WWP1: variants seen among roughly 807,000 people sequenced by gnomAD.
WWP1 encodes the protein NEDD4-like E3 ubiquitin-protein ligase WWP1.
Under a neutral mutation model 130.6 loss-of-function variants are expected in WWP1, and 49 were observed. That is an observed-to-expected ratio of 0.38 (90% CI 0.30 to 0.48). WWP1 has a LOEUF of 0.48. Among genes scored for constraint, WWP1 ranks in the 20% least tolerant of loss-of-function variants. The probability of loss-of-function intolerance (pLI) is 0.99; values close to 1 mark genes in which losing one functional copy is unlikely to be tolerated. For missense variants in WWP1, 809 were observed against 1,100.6 expected, an observed-to-expected ratio of 0.74 and a Z score of 3.75; for synonymous variants, 332 against 367.8, an observed-to-expected ratio of 0.90 and a Z score of 1.11.
chr8:86,431,716 A>C lies in WWP1; in HGVS notation c.1574A>C (p.Lys525Thr), dbSNP rs1357382364. 5 of 1,613,798 alleles carry C rather than the reference A, an allele frequency of 3.1e-6. No individual in the cohort carries two copies. Among genetic ancestry groups the C allele is most frequent in the Non-Finnish European group, 4.2e-6 (5 of 1,179,890 alleles). The change falls in exon 14 of 25, where the codon AAA (lysine) becomes ACA (threonine). Residue 525 changes from lysine (K) to threonine (T), a missense_variant. Physicochemically the swap from Lys to Thr is moderately conservative, Grantham distance 78. This residue lies in a region of WWP1 where 450 missense variants were observed against 674.2 expected (regional missense o/e 0.67). Coordinates refer to ENST00000517970, the MANE Select transcript of WWP1 (RefSeq NM_007013.4). ...CATAACACAAGAACAACAACATTCA[A>C]AGATCCTCGCAATGGGAAGTCATCT... ...VDHNTRTTTF[K>T]DPRNGKSSVT...
chr8:86,375,502 G>C (rs879890678), intron 3 of WWP1, among the ~76,000 whole-genome samples: 3 of 152,090 alleles, frequency 2.0e-5, no homozygotes, highest in Non-Finnish European at 4.4e-5. Flanking sequence ...TACATGTGCA[G>C]TATACGTATC....
rs1236047601 is a variant in WWP1, at chr8:86,468,160, T to C, written c.*1267T>C. Reference sequence around the variant, plus strand: ...TTTGTATCATGCTTTTAATATGCACTGTAAATTTCATTAACTTAAACATTT... The same window carrying C: ...TTTGTATCATGCTTTTAATATGCACCGTAAATTTCATTAACTTAAACATTT... On this transcript the variant is annotated 3_prime_UTR_variant, in exon 25 of 25. Transcript: ENST00000517970. The C allele has an allele frequency of 4.2e-6, 1 of 237,932 alleles. No individual in the cohort carries two copies. Among genetic ancestry groups the C allele is most frequent in the Admixed American group, 5.4e-5 (1 of 18,524 alleles). 14.7% of individuals were successfully genotyped at this position (237,932 alleles called of 1,614,324 possible).
chr8:86,354,025 G>A (rs539234673), intron 1 of WWP1, among the ~76,000 whole-genome samples: 1 of 152,096 alleles, frequency 6.6e-6, no homozygotes, highest in Non-Finnish European at 1.5e-5. Flanking sequence ...TAACGTATTG[G>A]CTATTTAGAG....
At chr8:86,380,898 A>G (rs769304190) in intron 4 of WWP1, 34 bp downstream of exon 4, 2 of 1,546,704 alleles carry the variant, frequency 1.3e-6, no homozygotes, top group Non-Finnish European at 1.7e-6. Context: ...GAAAATCTTC[A>G]CAAGAAAGTG....
At chr8:86,434,972 T>G (rs1442573841) in intron 14 of WWP1, among the ~76,000 whole-genome samples, 1 of 152,214 alleles carries the variant, frequency 6.6e-6, no homozygotes, top group East Asian at 1.9e-4. Context: ...CAACTCTGCC[T>G]TTTCTCTCAC....
At chr8:86,346,552 G>A (rs1196634269) in intron 1 of WWP1, among the ~76,000 whole-genome samples, 8 of 152,078 alleles carry the variant, frequency 5.3e-5, no homozygotes, top group Non-Finnish European at 1.2e-4. Flanking sequence ...TTTTTTTTGG[G>A]TGGATTAAGT....
intron 9 of WWP1, among the ~76,000 whole-genome samples, chr8:86,417,727 T>G (rs988766544): frequency 3.9e-5 from 6 of 152,210 alleles, no homozygotes; most frequent in African/African-American, 1.4e-4. Context: ...TGTTTCTGAT[T>G]ACAAAATTAA....
At chr8:86,373,071 G>GT (rs34499209) in intron 2 of WWP1, among the ~76,000 whole-genome samples, 68 of 132,454 alleles carry the variant, frequency 5.1e-4, no homozygotes, top group East Asian at 2.9e-3. Flanking sequence ...TTCTTAGTTT[G>GT]TTTTTTTTTT....
chr8:86,463,647 T>C (rs1369547121), intron 24 of WWP1, among the ~76,000 whole-genome samples: 4 of 152,076 alleles, frequency 2.6e-5, no homozygotes, highest in East Asian at 1.9e-4. Context: ...TTTTCTATTA[T>C]ATAATTAAAT....
Position 86,412,004 on chromosome 8 carries a change from C to T in WWP1, c.1061+130C>T, listed in dbSNP as rs982126271. Reference sequence around the variant, plus strand: ...AATCTAAGTTGGGATCTGAATCATACTATTTATTTACTTGCTACAAAACAA... The same window carrying T: ...AATCTAAGTTGGGATCTGAATCATATTATTTATTTACTTGCTACAAAACAA... On this transcript the variant is annotated intron_variant, in intron 9 of 24. Coordinates refer to ENST00000517970, the MANE Select transcript of WWP1 (RefSeq NM_007013.4). 8 of 882,596 alleles carry T rather than the reference C, an allele frequency of 9.1e-6. No individual in the cohort carries two copies. The African/African-American group carries it at 1.2e-4, about 13-fold the overall frequency. The allele number at this position is 882,596 out of a possible 1,614,324, so 54.7% of individuals were successfully genotyped here.
At chr8:86,352,624 C>T (rs187506576) in intron 1 of WWP1, among the ~76,000 whole-genome samples, 13 of 152,296 alleles carry the variant, frequency 8.5e-5, no homozygotes, top group African/African-American at 3.1e-4. Context: ...CTTGCCCTCT[C>T]TCCCAATGTG....
chr8:86,457,239 A>G (rs1178941043), intron 21 of WWP1, among the ~76,000 whole-genome samples: 1 of 151,972 alleles, frequency 6.6e-6, no homozygotes, highest in Non-Finnish European at 1.5e-5. Context: ...TTGTTTGACA[A>G]TTTCACATAG....
At chr8:86,409,576 T>C (rs192117877) in intron 8 of WWP1, among the ~76,000 whole-genome samples, 1 of 147,938 alleles carries the variant, frequency 6.8e-6, no homozygotes, top group African/African-American at 2.5e-5. Flanking sequence ...GTTCTTACAA[T>C]AGGCTGGGCA....
intron 3 of WWP1, among the ~76,000 whole-genome samples, chr8:86,380,432 T>G (rs1245130238): frequency 6.6e-6 from 1 of 152,134 alleles, no homozygotes; most frequent in Non-Finnish European, 1.5e-5. Flanking sequence ...ACAAAACTGT[T>G]TTAAAATTGA....
At chr8:86,457,156 A>G (rs1050429635) in intron 21 of WWP1, among the ~76,000 whole-genome samples, 1 of 151,970 alleles carries the variant, frequency 6.6e-6, no homozygotes, top group African/African-American at 2.4e-5. Context: ...TGACTTACGA[A>G]AAAAACTAAG....
chr8:86,433,933 A>G (rs954698847), intron 14 of WWP1, among the ~76,000 whole-genome samples: 1 of 152,002 alleles, frequency 6.6e-6, no homozygotes, highest in African/African-American at 2.4e-5. Context: ...AAAAAAAAAA[A>G]TGTAGAATCA....
chr8:86,456,825 A>G (rs1290032876), intron 21 of WWP1, among the ~76,000 whole-genome samples: 3 of 151,976 alleles, frequency 2.0e-5, no homozygotes, highest in Admixed American at 6.6e-5. Flanking sequence ...AAACATGTTG[A>G]GTGGGAAAAA....
chr8:86,430,718 A>G lies in WWP1; in HGVS notation c.1354A>G (p.Asn452Asp). ...LYSASMLAAE[N>D]DPYGPLPPGW... ...TCAGGCTTCAATGTTAGCTGCAGAA[A>G]ATGACCCTTATGGACCTTTGCCACC... The change falls in exon 12 of 25, where the codon AAT (asparagine) becomes GAT (aspartate). Residue 452 changes from asparagine to aspartate, a missense_variant. Physicochemically the swap from Asn to Asp is conservative, Grantham distance 23 (BLOSUM62 1). Around this residue, in one of 3 missense-constraint regions of WWP1, gnomAD observed 450 missense variants for 674.2 expected, o/e 0.67. Coordinates refer to ENST00000517970, the MANE Select transcript of WWP1 (RefSeq NM_007013.4). 1 of 1,581,870 alleles carries G rather than the reference A, an allele frequency of 6.3e-7. No individual in the cohort carries two copies. Among genetic ancestry groups the G allele is most frequent in the Non-Finnish European group, 8.6e-7 (1 of 1,162,898 alleles).
intron 5 of WWP1, among the ~76,000 whole-genome samples, chr8:86,390,660 G>C (rs1563489736): frequency 6.6e-6 from 1 of 151,540 alleles, no homozygotes; most frequent in Non-Finnish European, 1.5e-5. Context: ...TCCAGCCTCG[G>C]CTCAGCATCA....
Sources: gnomAD v4.1 joint callset for allele counts (sites outside exome capture counted in the v4.1 genomes callset) on GRCh38, gnomAD v4.1.1 for gene constraint, gnomAD v4.1.1 regional missense constraint, MANE v1.5 for transcripts, NCBI Gene and HGNC (gene_info 2026-07-23, HGNC 2026-07-21) for gene names.